The following NPY2R variants were observed in gnomAD, a reference collection of about 807,000 sequenced individuals.
NPY2R encodes neuropeptide Y receptor Y2, also known as neuropeptide Y receptor type 2.
A neutral mutation model predicts 22.3 loss-of-function variants in NPY2R; 17 were observed. The observed-to-expected ratio is 0.76, with a 90% CI of 0.52 to 1.14. The LOEUF (loss-of-function observed/expected upper bound fraction) is 1.14, where lower values mean the gene tolerates loss of function less well. NPY2R is among the 50% of genes most tolerant of loss of function. The pLI is 0.00. For synonymous variants in NPY2R, 209 were observed against 183.4 expected, an observed-to-expected ratio of 1.14 and a Z score of -1.13; for missense variants, 424 against 467.9, an observed-to-expected ratio of 0.91 and a Z score of 0.87.
chr4:155,212,814 C>G (rs1431877816), intron 1 of NPY2R, among the ~76,000 whole-genome samples: 1 of 152,110 alleles, frequency 6.6e-6, no homozygotes, highest in African/African-American at 2.4e-5. Flanking sequence ...TTTGAGAAAG[C>G]ATGAAATGTT....
chr4:155,182,357 C>G, the NPY2R span, among the ~76,000 whole-genome samples: 2 of 152,162 alleles, frequency 1.3e-5, no homozygotes, highest in Non-Finnish European at 2.9e-5. Context: ...CAATATGCAT[C>G]TGTCACTTGT....
the NPY2R span, among the ~76,000 whole-genome samples, chr4:155,184,018 G>A: frequency 9.1e-4 from 139 of 152,212 alleles, no homozygotes; most frequent in African/African-American, 3.2e-3. Flanking sequence ...TCTTCCTCCT[G>A]TCTCCGCTTT....
In NPY2R at chr4:155,216,323, G is replaced by T. The variant is rs1729516957; in HGVS notation, c.*1238G>T. 6.0e-6 allele frequency: 1 copy of T among 166,500 alleles called. No individual in the cohort carries two copies. Among genetic ancestry groups the T allele is most frequent in the South Asian group, 2.1e-4 (1 of 4,834 alleles). The allele number at this position is 166,500 out of a possible 1,614,324, so 10.3% of individuals were successfully genotyped here. ...TAAATTGTAGAACATAGATGCTACA[G>T]TATTTTTTATTTAATTATATTATGA... On this transcript the variant is annotated 3_prime_UTR_variant, in exon 2 of 2. Coordinates refer to ENST00000329476, the MANE Select transcript of NPY2R (RefSeq NM_000910.4).
chr4:155,176,568 G>A, the NPY2R span, among the ~76,000 whole-genome samples: 11 of 151,958 alleles, frequency 7.2e-5, no homozygotes, highest in East Asian at 3.9e-4. Flanking sequence ...CCTGATAGCC[G>A]GTGCAGCCAC....
At chr4:155,189,445 A>G in the NPY2R span, among the ~76,000 whole-genome samples, 1 of 152,010 alleles carries the variant, frequency 6.6e-6, no homozygotes, top group Admixed American at 6.6e-5. Flanking sequence ...AGATACAAAT[A>G]AAATGTTAAA....
chr4:155,215,246 C>T lies in NPY2R; in HGVS notation c.*161C>T, dbSNP rs1729492221. ...TCCTGGAAAACTGGCTGGGCAGAGC[C>T]TGTGTGAAAATACTGGAATTCAAAG... On this transcript the variant is annotated 3_prime_UTR_variant, in exon 2 of 2. Coordinates refer to ENST00000329476, the MANE Select transcript of NPY2R (RefSeq NM_000910.4). 2 of 757,768 alleles carry T rather than the reference C, an allele frequency of 2.6e-6. No individual in the cohort carries two copies. The highest frequency in any genetic ancestry group is 4.6e-6 in the Non-Finnish European group (2 of 432,290). The allele number at this position is 757,768 out of a possible 1,614,324, so 46.9% of individuals were successfully genotyped here.
At chr4:155,194,366 C>A in the NPY2R span, among the ~76,000 whole-genome samples, 1 of 150,450 alleles carries the variant, frequency 6.6e-6, no homozygotes, top group South Asian at 2.1e-4. Context: ...GCATAGTCCC[C>A]GACAGGTAGT....
At chr4:155,199,917 A>G in the NPY2R span, among the ~76,000 whole-genome samples, 1 of 152,170 alleles carries the variant, frequency 6.6e-6, no homozygotes, top group African/African-American at 2.4e-5. Context: ...TCCTAGAGAA[A>G]ATCTAGGCAA....
At chr4:155,192,695 A>G in the NPY2R span, among the ~76,000 whole-genome samples, 2 of 152,050 alleles carry the variant, frequency 1.3e-5, no homozygotes, top group East Asian at 3.9e-4. Context: ...CAAGAGTTTC[A>G]TAAATGTAAC....
chr4:155,186,929 G>A, the NPY2R span, among the ~76,000 whole-genome samples: 2 of 150,886 alleles, frequency 1.3e-5, no homozygotes, highest in African/African-American at 2.4e-5. Context: ...TTCCTTAAAA[G>A]TCTAACACAT....
rs2111045431 is a variant in NPY2R at position 155,214,324 on chromosome 4, G to T, written c.385G>T (p.Ala129Ser). ...TGTCCTGTGCCACCTGGTGCCCTAT[G>T]CCCAGGGCCTGGCAGTACAAGTATC... ...GPVLCHLVPY[A>S]QGLAVQVSTI... The change falls in exon 2 of 2, where the codon GCC (alanine) becomes TCC (serine). Residue 129 changes from alanine (A) to serine (S), a missense_variant. Ala to Ser is a moderately conservative substitution (Grantham distance 99). Coordinates refer to ENST00000329476, the MANE Select transcript of NPY2R (RefSeq NM_000910.4). The T allele has an allele frequency of 6.2e-7, 1 of 1,614,150 alleles. No individual in the cohort carries two copies. The highest frequency in any genetic ancestry group is 8.5e-7 in the Non-Finnish European group (1 of 1,180,026).
chr4:155,212,754 T>C (rs569020713), intron 1 of NPY2R, among the ~76,000 whole-genome samples: 7 of 152,328 alleles, frequency 4.6e-5, no homozygotes, highest in South Asian at 2.1e-4. Flanking sequence ...GGAAGAGATA[T>C]GTAACATACT....
upstream of NPY2R, among the ~76,000 whole-genome samples, chr4:155,206,106 C>T (rs1451355300): frequency 1.3e-5 from 2 of 152,152 alleles, no homozygotes; most frequent in African/African-American, 4.8e-5. Flanking sequence ...TCCACTCTCT[C>T]CTACAACCTA....
At chr4:155,185,674 T>A in the NPY2R span, among the ~76,000 whole-genome samples, 1 of 152,130 alleles carries the variant, frequency 6.6e-6, no homozygotes, top group Non-Finnish European at 1.5e-5. Flanking sequence ...AATGCATTTT[T>A]TTTTTTTTGT....
At chr4:155,185,198 C>T in the NPY2R span, among the ~76,000 whole-genome samples, 70,403 of 151,034 alleles carry the variant, frequency 0.47, 17,052 homozygotes, top group East Asian at 0.69. Context: ...TGCCACCACG[C>T]GTGGCTAAGT....
chr4:155,213,199 G>C (rs916187006), intron 1 of NPY2R, among the ~76,000 whole-genome samples: 2 of 152,112 alleles, frequency 1.3e-5, no homozygotes, highest in Non-Finnish European at 2.9e-5. Context: ...CTACTTGGGT[G>C]ACAGATGCAC....
the NPY2R span, among the ~76,000 whole-genome samples, chr4:155,184,513 A>T: frequency 6.6e-6 from 1 of 152,174 alleles, no homozygotes; most frequent in South Asian, 2.1e-4. Context: ...CTATAAGTAA[A>T]GTTGGGTGGA....
Position 155,214,331 on chromosome 4 carries a change from G to A in NPY2R, c.392G>A (p.Gly131Asp), listed in dbSNP as rs1729464698. ...TGCCACCTGGTGCCCTATGCCCAGG[G>A]CCTGGCAGTACAAGTATCCACAATC... ...VLCHLVPYAQGLAVQVSTITL... is the reference protein window; with the variant it reads ...VLCHLVPYAQDLAVQVSTITL... The change falls in exon 2 of 2, where the codon GGC becomes GAC. Residue 131 changes from glycine to aspartate, a missense_variant. Coordinates refer to ENST00000329476, the MANE Select transcript of NPY2R (RefSeq NM_000910.4). 2 of 1,614,114 alleles carry A rather than the reference G, an allele frequency of 1.2e-6. No homozygotes were observed. Among genetic ancestry groups the A allele is most frequent in the East Asian group, 4.5e-5 (2 of 44,868 alleles).
chr4:155,190,540 G>A, the NPY2R span, among the ~76,000 whole-genome samples: 1 of 151,830 alleles, frequency 6.6e-6, no homozygotes. Context: ...TAAAAGGAGG[G>A]TGTTTATTAT....
Sources: allele counts gnomAD v4.1 joint callset (sites outside exome capture counted in the v4.1 genomes callset), GRCh38; gene constraint gnomAD v4.1.1; transcripts MANE v1.5; gene names NCBI Gene and HGNC (gene_info 2026-07-23, HGNC 2026-07-21).